SLC16A12: variants seen among roughly 807,000 people sequenced by gnomAD.
The protein encoded by SLC16A12 is solute carrier family 16 member 12, also known as monocarboxylate transporter 12.
A neutral mutation model predicts 42.4 loss-of-function variants in SLC16A12; 17 were observed. The ratio of observed to expected loss-of-function variants is 0.40; its 90% CI spans 0.27 to 0.60. The LOEUF is 0.60. SLC16A12 is among the 20% of genes least tolerant of loss of function. The pLI is 0.42. For missense variants in SLC16A12, 544 were observed against 623.0 expected (o/e 0.87, Z 1.35); for synonymous variants, 224 against 229.4 (o/e 0.98, Z 0.21).
intron 2 of SLC16A12, among the ~76,000 whole-genome samples, chr10:89,477,854 C>CCCCTG (rs1485535317): frequency 1.8e-4 from 28 of 151,806 alleles, no homozygotes; most frequent in Non-Finnish European, 2.4e-4. Flanking sequence ...CTGAGACCGG[C>CCCCTG]CCCTGCCCTG....
At chr10:89,466,626 C>T (rs1842404797) in intron 2 of SLC16A12, among the ~76,000 whole-genome samples, 1 of 152,140 alleles carries the variant, frequency 6.6e-6, no homozygotes, top group Non-Finnish European at 1.5e-5. Flanking sequence ...TCCAAATTTC[C>T]AGATTCTTCT....
chr10:89,531,894 G>A (rs1036247159), intron 2 of SLC16A12, among the ~76,000 whole-genome samples: 2 of 152,178 alleles, frequency 1.3e-5, no homozygotes, highest in African/African-American at 4.8e-5. Flanking sequence ...GTGCCTGCCT[G>A]CTCTCTCTTC....
chr10:89,457,435 C>T (rs761003661), intron 3 of SLC16A12, among the ~76,000 whole-genome samples: 23 of 152,174 alleles, frequency 1.5e-4, no homozygotes, highest in Non-Finnish European at 3.4e-4. Flanking sequence ...GAGATACAAT[C>T]TCACACCAGT....
At chr10:89,549,126 C>G (rs1356489140) in intron 2 of SLC16A12, among the ~76,000 whole-genome samples, 1 of 152,214 alleles carries the variant, frequency 6.6e-6, no homozygotes, top group African/African-American at 2.4e-5. Context: ...GGCTGATTTA[C>G]CCTTTCTGAC....
chr10:89,546,021 A>C (rs936933142), intron 2 of SLC16A12, among the ~76,000 whole-genome samples: 22 of 152,220 alleles, frequency 1.4e-4, no homozygotes, highest in Admixed American at 1.4e-3. Context: ...CGTTCCTTAC[A>C]TCTTATACAA....
rs2133668084 is a variant in SLC16A12 at position 89,431,542 on chromosome 10, C to T, written c.*1522G>A. The T allele has an allele frequency of 6.6e-6, 1 of 152,358 alleles. No individual in the cohort carries two copies. Among genetic ancestry groups the T allele is most frequent in the East Asian group, 1.9e-4 (1 of 5,188 alleles). The allele number at this position is 152,358 out of a possible 1,614,324, so 9.4% of individuals were successfully genotyped here. A position where few individuals can be genotyped will look rare whatever the true frequency, so the allele number is the denominator to read the frequency against. On this transcript the variant is annotated 3_prime_UTR_variant, in exon 8 of 8. Transcript: ENST00000371790. ...CGGAGCATACACATTAACTCAGGAT[C>T]ATCCTCATTGCTGTTTTTTTTCCCC... is the stretch of plus-strand genomic sequence containing the variant.
At chr10:89,555,560 C>CGTATGTATGT (rs1843807652) in intron 2 of SLC16A12, among the ~76,000 whole-genome samples, 1 of 112,082 alleles carries the variant, frequency 8.9e-6, no homozygotes, top group South Asian at 2.6e-4. Flanking sequence ...CGTATATATA[C>CGTATGTATGT]ATATACGTAT....
At chr10:89,493,755 G>A (rs977675679) in intron 2 of SLC16A12, among the ~76,000 whole-genome samples, 3 of 152,118 alleles carry the variant, frequency 2.0e-5, no homozygotes, top group Non-Finnish European at 4.4e-5. Context: ...CTAAACAAAT[G>A]CATTTTTATC....
At chr10:89,529,937 A>C (rs1263722277) in intron 2 of SLC16A12, among the ~76,000 whole-genome samples, 3 of 152,224 alleles carry the variant, frequency 2.0e-5, no homozygotes, top group Non-Finnish European at 4.4e-5. Flanking sequence ...AGTTATTTTC[A>C]AAATATACAG....
intron 2 of SLC16A12, among the ~76,000 whole-genome samples, chr10:89,499,142 C>T (rs886679843): frequency 6.6e-6 from 1 of 152,078 alleles, no homozygotes. Flanking sequence ...CCCGATTTAC[C>T]TGGAAAATAA....
intron 2 of SLC16A12, among the ~76,000 whole-genome samples, chr10:89,463,564 A>G (rs997899337): frequency 6.6e-6 from 1 of 152,240 alleles, no homozygotes; most frequent in Non-Finnish European, 1.5e-5. Flanking sequence ...TTCTCTAGAT[A>G]GGAAAACTCC....
At chr10:89,463,695 AC>A (rs1842341563) in intron 2 of SLC16A12, among the ~76,000 whole-genome samples, 1 of 152,252 alleles carries the variant, frequency 6.6e-6, no homozygotes, top group African/African-American at 2.4e-5. Context: ...AAGGTAAGCC[AC>A]AGGCTTGGGG....
intron 2 of SLC16A12, among the ~76,000 whole-genome samples, chr10:89,464,812 T>C (rs1309899784): frequency 6.6e-6 from 1 of 152,156 alleles, no homozygotes; most frequent in Non-Finnish European, 1.5e-5. Context: ...CCCACATACA[T>C]CACTTAGGTT....
At chr10:89,527,154 T>C (rs574127240) in intron 2 of SLC16A12, among the ~76,000 whole-genome samples, 1 of 152,204 alleles carries the variant, frequency 6.6e-6, no homozygotes, top group East Asian at 1.9e-4. Context: ...AGAATCTCCA[T>C]GAGCATTAAA....
chr10:89,535,040 T>C (rs1366785628), intron 1 of SLC16A12, among the ~76,000 whole-genome samples: 2 of 152,028 alleles, frequency 1.3e-5, no homozygotes, highest in Admixed American at 6.6e-5. Context: ...GTTTTTAATA[T>C]AGCACACACG....
intron 2 of SLC16A12, among the ~76,000 whole-genome samples, chr10:89,486,983 C>A (rs1457107215): frequency 6.6e-6 from 1 of 152,186 alleles, no homozygotes; most frequent in African/African-American, 2.4e-5. Context: ...AAAGACACTC[C>A]AGGAGAAAAT....
chr10:89,453,790 T>C (rs1461835669), intron 3 of SLC16A12, among the ~76,000 whole-genome samples: 5 of 152,154 alleles, frequency 3.3e-5, no homozygotes, highest in African/African-American at 1.2e-4. Flanking sequence ...GGAAGCACTA[T>C]TGACATTTTG....
upstream of SLC16A12, among the ~76,000 whole-genome samples, chr10:89,536,910 T>C (rs1843670626): frequency 6.6e-6 from 1 of 152,174 alleles, no homozygotes; most frequent in Non-Finnish European, 1.5e-5. Flanking sequence ...CGATTTTGGC[T>C]CACTGCAACC....
chr10:89,519,630 C>T (rs1031059955), intron 2 of SLC16A12, among the ~76,000 whole-genome samples: 26 of 151,728 alleles, frequency 1.7e-4, no homozygotes, highest in South Asian at 6.3e-4. Flanking sequence ...AGCTTCCCCC[C>T]GAGACTTTAT....
Sources: allele counts gnomAD v4.1 joint callset (sites outside exome capture counted in the v4.1 genomes callset), GRCh38; gene constraint gnomAD v4.1.1; transcripts MANE v1.5; gene names NCBI Gene and HGNC (gene_info 2026-07-23, HGNC 2026-07-21).